Variants in AGBL4 observed in about 807,000 individuals in gnomAD.
AGBL4 encodes AGBL carboxypeptidase 4, also known as cytosolic carboxypeptidase 6.
Under a neutral mutation model 66.4 loss-of-function variants are expected in AGBL4, and 58 were observed. The observed-to-expected ratio is 0.87, with a 90% CI of 0.71 to 1.09. The LOEUF is 1.09. Among genes scored for constraint, AGBL4 ranks in the 50% least tolerant of loss-of-function variants. The pLI is 0.00. For missense variants in AGBL4, 579 were observed against 631.0 expected, an observed-to-expected ratio of 0.92 and a Z score of 0.88; for synonymous variants, 234 against 222.9, an observed-to-expected ratio of 1.05 and a Z score of -0.44.
chr1:49,066,803 C>T (rs1174658602), intron 4 of AGBL4, among the ~76,000 whole-genome samples: 1 of 152,154 alleles, frequency 6.6e-6, no homozygotes, highest in East Asian at 1.9e-4. Flanking sequence ...TGCACAGCAG[C>T]CCAGAGATGC....
In AGBL4 at chr1:48,653,445, A is replaced by G. The variant is rs771593014; in HGVS notation, c.731T>C (p.Ile244Thr). 1.9e-6 allele frequency: 3 copies of G among 1,573,898 alleles called. 1 individual carries two copies. Among genetic ancestry groups the G allele is most frequent in the Non-Finnish European group, 8.6e-7 (1 of 1,158,286 alleles). The stretch of plus-strand genomic sequence containing the variant: ...AGGGTGCTGGCTTACAAGGAAGTCA[A>G]TGATCCCTAGGGAAAGAGAAGAGCC... ...TPSSFVCQGIIDFLVSQHPIA... is the reference protein window; with the variant it reads ...TPSSFVCQGITDFLVSQHPIA... Residue 244 changes from isoleucine (I) to threonine (T), a missense_variant, in exon 8 of 14, where the codon ATT (isoleucine) becomes ACT (threonine). Ile to Thr is a moderately conservative substitution (Grantham distance 89). Coordinates refer to ENST00000371839, the MANE Select transcript of AGBL4 (RefSeq NM_032785.4).
chr1:49,353,995 A>G (rs1643966069), intron 3 of AGBL4, among the ~76,000 whole-genome samples: 1 of 152,132 alleles, frequency 6.6e-6, no homozygotes, highest in African/African-American at 2.4e-5. Context: ...CCTGGATACA[A>G]AAAAAAGACC....
At chr1:49,760,171 G>A (rs1652197823) in intron 2 of AGBL4, among the ~76,000 whole-genome samples, 2 of 152,130 alleles carry the variant, frequency 1.3e-5, no homozygotes. Flanking sequence ...ATTTGTTTAA[G>A]TTCCTTGTAA....
chr1:49,920,819 T>C (rs1440987799), intron 1 of AGBL4, among the ~76,000 whole-genome samples: 1 of 152,068 alleles, frequency 6.6e-6, no homozygotes, highest in Non-Finnish European at 1.5e-5. Context: ...CTATTCACAA[T>C]AGCAAAGACT....
intron 3 of AGBL4, among the ~76,000 whole-genome samples, chr1:49,360,711 T>C (rs1017220040): frequency 9.9e-5 from 15 of 152,224 alleles, no homozygotes; most frequent in African/African-American, 3.4e-4. Context: ...TTATTATAGC[T>C]GTATGCAATA....
chr1:49,318,277 AT>A (rs1645073618), intron 3 of AGBL4, among the ~76,000 whole-genome samples: 1 of 151,874 alleles, frequency 6.6e-6, no homozygotes, highest in Non-Finnish European at 1.5e-5. Context: ...TTTTATTCTT[AT>A]TTTGAGGATT....
At chr1:48,608,791 T>C (rs1174716922) in intron 9 of AGBL4, among the ~76,000 whole-genome samples, 3 of 152,134 alleles carry the variant, frequency 2.0e-5, no homozygotes, top group African/African-American at 7.2e-5. Flanking sequence ...TAGCATGATA[T>C]CCAGCCTAGA....
chr1:49,452,328 T>C (rs1369633137), intron 3 of AGBL4, among the ~76,000 whole-genome samples: 4 of 151,974 alleles, frequency 2.6e-5, no homozygotes, highest in Non-Finnish European at 5.9e-5. Flanking sequence ...CTAGAGTGAA[T>C]TGGAAAATAT....
At chr1:49,361,616 G>A (rs1385448654) in intron 3 of AGBL4, among the ~76,000 whole-genome samples, 4 of 152,168 alleles carry the variant, frequency 2.6e-5, no homozygotes, top group African/African-American at 7.2e-5. Context: ...ATGAGCCACC[G>A]TACCTGGCCA....
At chr1:49,641,383 C>G (rs1325464768) in intron 3 of AGBL4, among the ~76,000 whole-genome samples, 1 of 152,070 alleles carries the variant, frequency 6.6e-6, no homozygotes, top group Admixed American at 6.6e-5. Context: ...CAGTCATTCT[C>G]AAGCTTTATC....
chr1:48,878,822 A>T (rs1278549476), intron 5 of AGBL4, among the ~76,000 whole-genome samples: 1 of 152,178 alleles, frequency 6.6e-6, no homozygotes, highest in Non-Finnish European at 1.5e-5. Flanking sequence ...ATGCAACATT[A>T]ATCTGTATTC....
intron 5 of AGBL4, among the ~76,000 whole-genome samples, chr1:48,875,192 C>T (rs1421394893): frequency 6.6e-6 from 1 of 152,130 alleles, no homozygotes; most frequent in Non-Finnish European, 1.5e-5. Context: ...GTGGTAAGTG[C>T]TCCCAAGAAA....
chr1:49,285,442 A>C (rs1434382614), intron 3 of AGBL4, among the ~76,000 whole-genome samples: 2 of 152,156 alleles, frequency 1.3e-5, no homozygotes, highest in Non-Finnish European at 2.9e-5. Flanking sequence ...TTGACACCCT[A>C]AGATCACAAT....
chr1:49,436,237 C>T (rs777109932), intron 3 of AGBL4, among the ~76,000 whole-genome samples: 3 of 152,102 alleles, frequency 2.0e-5, no homozygotes, highest in Non-Finnish European at 4.4e-5. Context: ...GAGTGGTCAT[C>T]TAGAAGTCGG....
At chr1:49,312,890 C>T (rs1482606933) in intron 3 of AGBL4, among the ~76,000 whole-genome samples, 1 of 151,856 alleles carries the variant, frequency 6.6e-6, no homozygotes, top group Admixed American at 6.6e-5. Flanking sequence ...TTTTTACATA[C>T]TTTTTTTATG....
At chr1:49,256,500 G>T (rs531679234) in intron 3 of AGBL4, among the ~76,000 whole-genome samples, 1 of 151,956 alleles carries the variant, frequency 6.6e-6, no homozygotes, top group African/African-American at 2.4e-5. Context: ...ACTTCAAAAC[G>T]CAAAACTATA....
intron 7 of AGBL4, among the ~76,000 whole-genome samples, chr1:48,658,807 TG>T (rs956226981): frequency 6.6e-6 from 1 of 151,828 alleles, no homozygotes; most frequent in Non-Finnish European, 1.5e-5. Context: ...TCCCGGTGCC[TG>T]GCAATATTGG....
At chr1:49,559,730 C>A (rs1226093443) in intron 3 of AGBL4, among the ~76,000 whole-genome samples, 1 of 152,110 alleles carries the variant, frequency 6.6e-6, no homozygotes, top group Non-Finnish European at 1.5e-5. Context: ...TTGCCAGGGG[C>A]TCTTAAGCCT....
chr1:48,855,700 T>C (rs1647132948), intron 6 of AGBL4, among the ~76,000 whole-genome samples: 1 of 151,942 alleles, frequency 6.6e-6, no homozygotes, highest in African/African-American at 2.4e-5. Context: ...TATGGTAGAG[T>C]TATTTATAAG....
Sources: allele counts gnomAD v4.1 joint callset (sites outside exome capture counted in the v4.1 genomes callset), GRCh38; gene constraint gnomAD v4.1.1; transcripts MANE v1.5; gene names NCBI Gene and HGNC (gene_info 2026-07-23, HGNC 2026-07-21).